The following OPCML variants were observed in gnomAD, a reference collection of about 807,000 sequenced individuals.
OPCML encodes opioid-binding protein/cell adhesion molecule.
A neutral mutation model predicts 37.8 loss-of-function variants in OPCML; 13 were observed. That is an observed-to-expected ratio of 0.34 (90% CI 0.22 to 0.55). The LOEUF (loss-of-function observed/expected upper bound fraction) is 0.55. OPCML is among the 20% of genes least tolerant of loss of function. The pLI, the probability that OPCML is intolerant of heterozygous loss-of-function variation, is 0.91. For synonymous variants in OPCML, 176 were observed against 168.8 expected (o/e 1.04, Z -0.33); for missense variants, 341 against 435.6 (o/e 0.78, Z 1.93).
At chr11:132,799,224 T>C (rs1249578101) in intron 2 of OPCML, among the ~76,000 whole-genome samples, 1 of 152,148 alleles carries the variant, frequency 6.6e-6, no homozygotes, top group Non-Finnish European at 1.5e-5. Context: ...TGAAAATCTC[T>C]TGTTGAGTGC....
At chr11:133,139,674 G>A (rs181789289) in intron 1 of OPCML, among the ~76,000 whole-genome samples, 1 of 152,282 alleles carries the variant, frequency 6.6e-6, no homozygotes, top group African/African-American at 2.4e-5. Flanking sequence ...AGGAGCTATG[G>A]GAACAGGGAA....
At chr11:133,422,377 T>TTTTA (rs1555156350) in intron 1 of OPCML, 24 of 837,230 alleles carry the variant, frequency 2.9e-5, no homozygotes, top group Middle Eastern at 5.9e-4. Flanking sequence ...ACCAAAGACA[T>TTTTA]TATATATATA....
chr11:133,110,882 A>T (rs1274369236), intron 1 of OPCML, among the ~76,000 whole-genome samples: 1 of 152,214 alleles, frequency 6.6e-6, no homozygotes, highest in Non-Finnish European at 1.5e-5. Flanking sequence ...ATTTGGGGTT[A>T]GAAACCTGAC....
intron 2 of OPCML, among the ~76,000 whole-genome samples, chr11:132,824,429 G>A (rs898022771): frequency 8.5e-5 from 13 of 152,182 alleles, no homozygotes; most frequent in African/African-American, 2.6e-4. Context: ...CTCAGTTCTC[G>A]CTTGGACACT....
At chr11:132,619,476 C>T in intron 3 of OPCML, among the ~76,000 whole-genome samples, 1 of 152,018 alleles carries the variant, frequency 6.6e-6, no homozygotes, top group East Asian at 1.9e-4. Flanking sequence ...CTAGTGGCAT[C>T]AGCAAAGGTT....
At chr11:132,670,380 C>T (rs1321627891) in intron 2 of OPCML, among the ~76,000 whole-genome samples, 1 of 152,042 alleles carries the variant, frequency 6.6e-6, no homozygotes, top group Non-Finnish European at 1.5e-5. Context: ...TCACAGAATC[C>T]CACAGACGGG....
chr11:132,702,921 T>G (rs535070095), intron 2 of OPCML, among the ~76,000 whole-genome samples: 1 of 152,300 alleles, frequency 6.6e-6, no homozygotes, highest in East Asian at 1.9e-4. Context: ...GGCTCTCATC[T>G]TTTTGTTAAA....
At chr11:132,529,665 A>G (rs553025790) in intron 3 of OPCML, among the ~76,000 whole-genome samples, 1 of 152,164 alleles carries the variant, frequency 6.6e-6, no homozygotes, top group Non-Finnish European at 1.5e-5. Flanking sequence ...AGACCCTTTT[A>G]AAATCTTTGA....
intron 2 of OPCML, among the ~76,000 whole-genome samples, chr11:132,808,493 G>A (rs1210407869): frequency 6.6e-6 from 1 of 152,210 alleles, no homozygotes; most frequent in African/African-American, 2.4e-5. Context: ...TGGGATCATG[G>A]TAAACGCAGT....
At chr11:132,908,756 G>T (rs540905940) in intron 2 of OPCML, among the ~76,000 whole-genome samples, 2 of 152,342 alleles carry the variant, frequency 1.3e-5, no homozygotes, top group East Asian at 3.9e-4. Context: ...CCATAAATTG[G>T]CCCTGCCTTT....
At chr11:133,261,630 C>T (rs1185412413) in intron 1 of OPCML, among the ~76,000 whole-genome samples, 1 of 152,204 alleles carries the variant, frequency 6.6e-6, no homozygotes, top group Non-Finnish European at 1.5e-5. Flanking sequence ...GGGCTCTCAC[C>T]ATTTTTGTTC....
chr11:133,004,588 C>G (rs902159358), intron 1 of OPCML: 10 of 985,350 alleles, frequency 1.0e-5, no homozygotes, highest in East Asian at 1.1e-4. Flanking sequence ...CACTGCTGCT[C>G]CATGCGAAGG....
At chr11:132,906,992 T>C (rs1404914815) in intron 2 of OPCML, among the ~76,000 whole-genome samples, 1 of 152,222 alleles carries the variant, frequency 6.6e-6, no homozygotes, top group Non-Finnish European at 1.5e-5. Flanking sequence ...AAGGCAAATA[T>C]GCTGGCTTCC....
intron 1 of OPCML, chr11:133,301,859 C>A (rs995041159): frequency 6.6e-6 from 1 of 152,106 alleles, no homozygotes; most frequent in Admixed American, 6.6e-5. Flanking sequence ...CCAATGACAT[C>A]TTCTGGATCC....
chr11:132,416,771 T>C lies in OPCML; in HGVS notation c.*3422A>G, dbSNP rs1418489007. On this transcript the variant is annotated 3_prime_UTR_variant, in exon 8 of 8. Transcript: ENST00000524381. ...TGCGCAGTGCTCTGCATAAAGCCTGTACATGTTTTCACAACCACTTCTCTA... is the reference window on the plus strand; with the variant it reads ...TGCGCAGTGCTCTGCATAAAGCCTGCACATGTTTTCACAACCACTTCTCTA... The C allele has an allele frequency of 6.6e-6, 1 of 152,526 alleles. No individual in the cohort carries two copies. Among genetic ancestry groups the C allele is most frequent in the African/African-American group, 2.4e-5 (1 of 41,438 alleles). The allele number at this position is 152,526 out of a possible 1,614,324, so 9.4% of individuals were successfully genotyped here. A position where few individuals can be genotyped will look rare whatever the true frequency, so the allele number is the denominator to read the frequency against.
intron 2 of OPCML, among the ~76,000 whole-genome samples, chr11:132,899,786 G>A (rs1252476683): frequency 6.6e-6 from 1 of 152,020 alleles, no homozygotes; most frequent in Admixed American, 6.6e-5. Context: ...CCATAGGCTG[G>A]GACCTAGACA....
At chr11:133,486,843 C>T (rs1301595793) in intron 1 of OPCML, among the ~76,000 whole-genome samples, 2 of 135,516 alleles carry the variant, frequency 1.5e-5, no homozygotes, top group African/African-American at 3.1e-5. Flanking sequence ...TCTCTCCCCC[C>T]CTTCTCTCTT....
intron 1 of OPCML, chr11:133,421,784 T>C (rs1240738477): frequency 2.0e-6 from 2 of 985,244 alleles, no homozygotes. Flanking sequence ...TGGATATCAA[T>C]TGCTTTCGAG....
intron 1 of OPCML, among the ~76,000 whole-genome samples, chr11:133,471,693 T>C (rs1344698755): frequency 6.6e-6 from 1 of 152,162 alleles, no homozygotes; most frequent in Non-Finnish European, 1.5e-5. Flanking sequence ...TACGGACTAC[T>C]TGAGGTAAAA....
Sources: allele counts gnomAD v4.1 joint callset (sites outside exome capture counted in the v4.1 genomes callset), GRCh38; gene constraint gnomAD v4.1.1; transcripts MANE v1.5; gene names NCBI Gene and HGNC (gene_info 2026-07-23, HGNC 2026-07-21).